GASK1A: variants seen among roughly 807,000 people sequenced by gnomAD.
GASK1A encodes the protein Golgi-associated kinase 1A.
GASK1A carries 40 observed loss-of-function variants against 41.2 expected under a neutral mutation model. That is an observed-to-expected ratio of 0.97 (90% CI 0.75 to 1.27). The LOEUF is 1.27. GASK1A is among the 50% of genes most tolerant of loss of function. The pLI, the probability that GASK1A is intolerant of heterozygous loss-of-function variation, is 0.00. For missense variants in GASK1A, 678 were observed against 745.1 expected (o/e 0.91, Z 1.05); for synonymous variants, 316 against 307.1 (o/e 1.03, Z -0.30).
chr3:43,052,797 T>C (rs1200530767), intron 2 of GASK1A, among the ~76,000 whole-genome samples: 3 of 152,212 alleles, frequency 2.0e-5, no homozygotes, highest in Non-Finnish European at 2.9e-5. Context: ...CAGCAGATAC[T>C]ATCCTCATGT....
At chr3:42,997,362 A>G (rs2089381007) in intron 1 of GASK1A, among the ~76,000 whole-genome samples, 3 of 148,324 alleles carry the variant, frequency 2.0e-5, no homozygotes, top group African/African-American at 7.4e-5. Flanking sequence ...TTTTGGCCTG[A>G]CTTTCCATGT....
intron 1 of GASK1A, among the ~76,000 whole-genome samples, chr3:42,981,462 A>G (rs1333897816): frequency 6.6e-6 from 1 of 152,208 alleles, no homozygotes; most frequent in Admixed American, 6.5e-5. Flanking sequence ...TTTAGCTCCA[A>G]AAATGGGTGA....
Position 43,033,147 on chromosome 3 carries a change from C to G in GASK1A, c.884C>G (p.Ser295Cys). The G allele has an allele frequency of 6.4e-7, 1 of 1,550,864 alleles. No individual in the cohort carries two copies. The highest frequency in any genetic ancestry group is 8.7e-7 in the Non-Finnish European group (1 of 1,146,462). The change falls in exon 2 of 5, where the codon TCC becomes TGC. Residue 295 changes from serine to cysteine, a missense_variant. Transcript: ENST00000430121. ...GGGCAGGTGCTACAGGTTGGCTTCTCCACTGAGGCTGCCCTTCAGGACCTG... is the reference window on the plus strand; with the variant it reads ...GGGCAGGTGCTACAGGTTGGCTTCTGCACTGAGGCTGCCCTTCAGGACCTG... ...AHGQVLQVGF[S>C]TEAALQDLSS...
intron 1 of GASK1A, among the ~76,000 whole-genome samples, chr3:43,003,370 C>G (rs1452957871): frequency 6.6e-6 from 1 of 152,058 alleles, no homozygotes; most frequent in East Asian, 1.9e-4. Flanking sequence ...TGGCAGGCTC[C>G]TGTCATCCCA....
chr3:43,022,332 C>T (rs1346681340), intron 1 of GASK1A, among the ~76,000 whole-genome samples: 1 of 152,148 alleles, frequency 6.6e-6, no homozygotes, highest in Non-Finnish European at 1.5e-5. Flanking sequence ...TGCACAACTG[C>T]CAACTTTCCC....
At chr3:43,005,698 A>T (rs543089927) in intron 1 of GASK1A, among the ~76,000 whole-genome samples, 1 of 152,308 alleles carries the variant, frequency 6.6e-6, no homozygotes, top group East Asian at 1.9e-4. Context: ...AAGAAAAAAA[A>T]ATCGTAGGCT....
chr3:43,008,504 G>C (rs1425237094), intron 1 of GASK1A, among the ~76,000 whole-genome samples: 1 of 152,204 alleles, frequency 6.6e-6, no homozygotes, highest in East Asian at 1.9e-4. Context: ...TCAGTGTACA[G>C]GCTTCCTATC....
chr3:43,016,593 G>A (rs2089492558), intron 1 of GASK1A, among the ~76,000 whole-genome samples: 1 of 151,952 alleles, frequency 6.6e-6, no homozygotes, highest in East Asian at 1.9e-4. Context: ...GGGGCTGTGT[G>A]AGGTCCCAGG....
rs115900317 is a variant in GASK1A, at chr3:42,982,629, G to A, written c.3+2984G>A. On this transcript the variant is annotated intron_variant, in intron 1 of 4. Transcript: ENST00000430121. ...ACATTTAGGTCACTTCAGGATTGGG[G>A]CTGATTTCAGTGGCATGTGGCCAGC... Among the ~76,000 whole-genome samples, 636 of 152,350 alleles carry A rather than the reference G, an allele frequency of 4.2e-3. 3 individuals carry two copies. The highest frequency in any genetic ancestry group is 0.017 in the Middle Eastern group (5 of 294).
At chr3:43,030,618 T>C (rs1208933379) in intron 1 of GASK1A, among the ~76,000 whole-genome samples, 1 of 152,214 alleles carries the variant, frequency 6.6e-6, no homozygotes, top group Non-Finnish European at 1.5e-5. Flanking sequence ...TATGGCCCAC[T>C]GCTGTCATCT....
At chr3:43,032,048 C>T (rs1164891339) in intron 1 of GASK1A, among the ~76,000 whole-genome samples, 1 of 152,070 alleles carries the variant, frequency 6.6e-6, no homozygotes, top group Non-Finnish European at 1.5e-5. Context: ...CAGAGGCTGC[C>T]CTAGAAGGAA....
Position 42,979,327 on chromosome 3 carries a change from A to C in GASK1A, c.-316A>C. The C allele has an allele frequency of 2.9e-6, 1 of 341,428 alleles. No individual in the cohort carries two copies. The allele number at this position is 341,428 out of a possible 1,614,324, so 21.1% of individuals were successfully genotyped here. On this transcript the variant is annotated 5_prime_UTR_variant, in exon 1 of 5. Transcript: ENST00000430121. Reference sequence around the variant, plus strand: ...GCGGCAGGGACTTTGCAAACTCTGCAAAAGTCCCGAGTAGACCGCAGAGGC... The same window carrying C: ...GCGGCAGGGACTTTGCAAACTCTGCCAAAGTCCCGAGTAGACCGCAGAGGC...
chr3:43,020,089 C>T (rs2089513809), intron 1 of GASK1A, among the ~76,000 whole-genome samples: 1 of 152,086 alleles, frequency 6.6e-6, no homozygotes, highest in Admixed American at 6.5e-5. Context: ...GTGGAGGTGT[C>T]AGGGTGTAGA....
intron 1 of GASK1A, among the ~76,000 whole-genome samples, chr3:42,998,068 G>A (rs2089386181): frequency 1.3e-5 from 2 of 152,186 alleles, no homozygotes; most frequent in African/African-American, 4.8e-5. Context: ...CGTCCCAGCA[G>A]GCACACTGCT....
intron 1 of GASK1A, among the ~76,000 whole-genome samples, chr3:42,994,437 T>C (rs747234694): frequency 6.6e-6 from 1 of 151,988 alleles, no homozygotes; most frequent in Non-Finnish European, 1.5e-5. Context: ...TTGACTGTCT[T>C]TGTGTATTTT....
At chr3:43,046,686 T>C (rs768938858) in intron 2 of GASK1A, among the ~76,000 whole-genome samples, 3 of 152,188 alleles carry the variant, frequency 2.0e-5, no homozygotes, top group Non-Finnish European at 4.4e-5. Flanking sequence ...GAGAAAATGT[T>C]TCCAGGGCAT....
chr3:43,044,326 C>T (rs930753672), intron 2 of GASK1A, among the ~76,000 whole-genome samples: 10 of 152,170 alleles, frequency 6.6e-5, no homozygotes, highest in Non-Finnish European at 1.5e-4. Flanking sequence ...AGATGCTAGA[C>T]CCACATCATA....
chr3:43,054,274 A>C (rs2089706005), intron 3 of GASK1A: 2 of 161,732 alleles, frequency 1.2e-5, no homozygotes, highest in Admixed American at 1.2e-4. Context: ...AGCTGTCAGC[A>C]TGGTGTCCAG....
chr3:43,020,651 A>G (rs1271793367), intron 1 of GASK1A, among the ~76,000 whole-genome samples: 1 of 152,210 alleles, frequency 6.6e-6, no homozygotes, highest in Non-Finnish European at 1.5e-5. Flanking sequence ...TAGCTAACCA[A>G]AACATATGCC....
Sources: gnomAD v4.1 joint callset for allele counts (sites outside exome capture counted in the v4.1 genomes callset) on GRCh38, gnomAD v4.1.1 for gene constraint, MANE v1.5 for transcripts, NCBI Gene and HGNC (gene_info 2026-07-23, HGNC 2026-07-21) for gene names.